SCGB1C1: variants seen among roughly 807,000 people sequenced by gnomAD.
SCGB1C1 encodes the protein ligand binding protein RYD5.
A neutral mutation model predicts 8.9 loss-of-function variants in SCGB1C1; 2 were observed. That is an observed-to-expected ratio of 0.23 (90% CI 0.09 to 0.71). The LOEUF is 0.71. SCGB1C1 is among the 30% of genes least tolerant of loss of function. The pLI, the probability that SCGB1C1 is intolerant of heterozygous loss-of-function variation, is 0.78. For synonymous variants in SCGB1C1, 6 were observed against 45.8 expected, an observed-to-expected ratio of 0.13 and a Z score of 3.51; for missense variants, 25 against 112.7, an observed-to-expected ratio of 0.22 and a Z score of 3.52.
upstream of SCGB1C1, among the ~76,000 whole-genome samples, chr11:192,897 C>T (rs377051920): frequency 1.2e-4 from 16 of 133,928 alleles, no homozygotes; most frequent in African/African-American, 3.9e-4. Flanking sequence ...ACCCTAAAGC[C>T]GCTTGCCAAC....
At chr11:189,587 G>T (rs1165736510), upstream of SCGB1C1, among the ~76,000 whole-genome samples, 1 of 151,214 alleles carries the variant, frequency 6.6e-6, no homozygotes, top group Admixed American at 6.6e-5. Context: ...AGAGTCACGC[G>T]CCACCGGGAC....
chr11:192,656 G>C (rs1387273562), upstream of SCGB1C1, among the ~76,000 whole-genome samples: 2 of 150,560 alleles, frequency 1.3e-5, no homozygotes, highest in African/African-American at 4.9e-5. Context: ...GCCCCTGCCT[G>C]ATTGGAGACC....
chr11:194,210 G>A (rs566163524), intron 2 of SCGB1C1, among the ~76,000 whole-genome samples: 38 of 123,122 alleles, frequency 3.1e-4, no homozygotes, highest in East Asian at 1.5e-3. Context: ...GTATAAACAC[G>A]TTCACACCCA....
upstream of SCGB1C1, among the ~76,000 whole-genome samples, chr11:192,371 G>C (rs928000793): frequency 6.6e-6 from 1 of 152,076 alleles, no homozygotes; most frequent in Non-Finnish European, 1.5e-5. Context: ...TGAACCCCAG[G>C]ATAGCAACCC....
chr11:191,891 T>A (rs57246151), upstream of SCGB1C1, among the ~76,000 whole-genome samples: 50 of 2,702 alleles, frequency 0.019, no homozygotes, highest in African/African-American at 0.037. Context: ...CCCTAACCCC[T>A]ACCCCTAACC....
chr11:192,301 C>T (rs1349577520), upstream of SCGB1C1, among the ~76,000 whole-genome samples: 1 of 151,992 alleles, frequency 6.6e-6, no homozygotes, highest in Non-Finnish European at 1.5e-5. Flanking sequence ...GTCCCAACCT[C>T]CTGTGTCCAT....
Position 193,924 on chromosome 11 carries a change from C to G in SCGB1C1, c.255+13C>G, listed in dbSNP as rs371460427. On this transcript the variant is annotated intron_variant, in intron 2 of 2. Coordinates refer to ENST00000342878, the MANE Select transcript of SCGB1C1 (RefSeq NM_145651.3). ...GGTCAAGCTGCTGGTATGAGGGCGG[C>G]GGGCACCCCATTTTCTAAAGATCTG... The G allele has an allele frequency of 1.2e-5, 18 of 1,446,102 alleles. No homozygotes were observed. Among genetic ancestry groups the G allele is most frequent in the Non-Finnish European group, 1.6e-5 (17 of 1,063,562 alleles). 89.6% of individuals were successfully genotyped at this position (1,446,102 alleles called of 1,614,324 possible). A position where few individuals can be genotyped will look rare whatever the true frequency, so the allele number is the denominator to read the frequency against.
At chr11:189,597 C>T (rs2979431), upstream of SCGB1C1, among the ~76,000 whole-genome samples, 1,721 of 118,842 alleles carry the variant, frequency 0.014, no homozygotes, top group South Asian at 0.02. Context: ...GCCACCGGGA[C>T]GAGAGCGCGG....
upstream of SCGB1C1, among the ~76,000 whole-genome samples, chr11:192,353 TG>T (rs1467771834): frequency 6.6e-5 from 10 of 152,246 alleles, no homozygotes; most frequent in South Asian, 6.2e-4. Flanking sequence ...GCCTTCAACC[TG>T]GGGGGTTGAA....
At chr11:188,401 CAT>C (rs1440176350), upstream of SCGB1C1, among the ~76,000 whole-genome samples, 3 of 150,874 alleles carry the variant, frequency 2.0e-5, no homozygotes, top group South Asian at 4.2e-4. Flanking sequence ...AATTGTCAAA[CAT>C]AACAATTCTT....
upstream of SCGB1C1, among the ~76,000 whole-genome samples, chr11:192,385 G>C (rs377482633): frequency 1.2e-4 from 18 of 152,174 alleles, no homozygotes; most frequent in Non-Finnish European, 1.6e-4. Context: ...GCAACCCCAA[G>C]CCCTCCTTGC....
upstream of SCGB1C1, among the ~76,000 whole-genome samples, chr11:188,474 A>AGAT (rs1345747697): frequency 2.0e-5 from 3 of 152,270 alleles, no homozygotes; most frequent in Non-Finnish European, 2.9e-5. Context: ...GTGCAAAAGT[A>AGAT]GATAGGAAAA....
upstream of SCGB1C1, among the ~76,000 whole-genome samples, chr11:192,315 A>C (rs1305632450): frequency 2.0e-5 from 3 of 151,976 alleles, no homozygotes; most frequent in African/African-American, 7.3e-5. Flanking sequence ...TGTCCATTGT[A>C]ATATGTCCTG....
At chr11:192,104 G>A (rs569499815), upstream of SCGB1C1, among the ~76,000 whole-genome samples, 7 of 151,374 alleles carry the variant, frequency 4.6e-5, no homozygotes, top group East Asian at 1.2e-3. Flanking sequence ...GTCGTTCAAT[G>A]TAACAAGGAT....
upstream of SCGB1C1, among the ~76,000 whole-genome samples, chr11:189,914 T>C: frequency 6.6e-6 from 1 of 152,298 alleles, no homozygotes; most frequent in African/African-American, 2.4e-5. Context: ...CAGGGCCCTC[T>C]TGCTCACAGT....
upstream of SCGB1C1, among the ~76,000 whole-genome samples, chr11:191,145 CT>C (rs1181614809): frequency 1.3e-5 from 1 of 77,430 alleles, no homozygotes; most frequent in Non-Finnish European, 2.5e-5. Flanking sequence ...ACAAAGCCCA[CT>C]ATCCTGTGTC....
chr11:189,494 G>C (rs1175321612), upstream of SCGB1C1, among the ~76,000 whole-genome samples: 7 of 112,994 alleles, frequency 6.2e-5, no homozygotes, highest in Non-Finnish European at 1.3e-4. Context: ...GCGTCCCCTG[G>C]GGGGCGGGGG....
upstream of SCGB1C1, among the ~76,000 whole-genome samples, chr11:191,804 ACCCTAACCCTAACCCCTAAC>A (rs1854812074): frequency 1.5e-5 from 2 of 134,238 alleles, no homozygotes; most frequent in African/African-American, 5.2e-5. Context: ...CCAAAACCTA[ACCCTAACCCTAACCCCTAAC>A]CCCTAACCCT....
intron 1 of SCGB1C1, among the ~76,000 whole-genome samples, 168 bp from the exon 2 acceptor site, chr11:193,544 G>A (rs1259821460): frequency 6.6e-6 from 1 of 152,296 alleles, no homozygotes; most frequent in Non-Finnish European, 1.5e-5. Flanking sequence ...GGGGTCTTCG[G>A]GCAAGGTGGA....
Sources: allele counts gnomAD v4.1 joint callset (sites outside exome capture counted in the v4.1 genomes callset), GRCh38; gene constraint gnomAD v4.1.1; transcripts MANE v1.5; gene names NCBI Gene and HGNC (gene_info 2026-07-23, HGNC 2026-07-21).